Variants in GALNT13 observed in about 807,000 individuals in gnomAD.
GALNT13 encodes the protein UDP-GalNAc:polypeptide N-acetylgalactosaminyltransferase 13.
A neutral mutation model predicts 64.2 loss-of-function variants in GALNT13; 28 were observed. The observed-to-expected ratio is 0.44, with a 90% CI of 0.32 to 0.60. The LOEUF (loss-of-function observed/expected upper bound fraction) is 0.60, where lower values mean the gene tolerates loss of function less well. Among genes scored for constraint, GALNT13 ranks in the 20% least tolerant of loss-of-function variants. The pLI, the probability that GALNT13 is intolerant of heterozygous loss-of-function variation, is 0.05. For missense variants in GALNT13, 577 were observed against 669.8 expected, an observed-to-expected ratio of 0.86 and a Z score of 1.53; for synonymous variants, 214 against 224.6, an observed-to-expected ratio of 0.95 and a Z score of 0.42.
chr2:153,797,955 C>T, the GALNT13 span, among the ~76,000 whole-genome samples: 1 of 152,132 alleles, frequency 6.6e-6, no homozygotes, highest in African/African-American at 2.4e-5. Context: ...TCATCTAGCA[C>T]CTGGCTTTTC....
At chr2:154,408,764 A>T (rs1699663001) in intron 10 of GALNT13, among the ~76,000 whole-genome samples, 1 of 152,136 alleles carries the variant, frequency 6.6e-6, no homozygotes, top group South Asian at 2.1e-4. Flanking sequence ...GCCAATGCCA[A>T]TTCTGTTCAA....
chr2:154,011,741 G>A (rs749955706), intron 3 of GALNT13, among the ~76,000 whole-genome samples: 2 of 152,090 alleles, frequency 1.3e-5, no homozygotes, highest in Non-Finnish European at 2.9e-5. Flanking sequence ...TTATGAATCC[G>A]TATACTCCTG....
chr2:153,139,286 G>T, the GALNT13 span, among the ~76,000 whole-genome samples: 77 of 152,000 alleles, frequency 5.1e-4, no homozygotes, highest in Non-Finnish European at 9.7e-4. Flanking sequence ...ATATCTTCAT[G>T]ATTGGCTTTT....
intron 3 of GALNT13, among the ~76,000 whole-genome samples, chr2:154,082,697 A>C (rs1701332250): frequency 6.6e-6 from 1 of 151,408 alleles, no homozygotes; most frequent in Admixed American, 6.6e-5. Context: ...TTCCATGGCC[A>C]CCTCTGCTTC....
intron 9 of GALNT13, among the ~76,000 whole-genome samples, chr2:154,319,977 T>C (rs935898166): frequency 8.5e-5 from 13 of 152,108 alleles, no homozygotes; most frequent in Admixed American, 5.9e-4. Context: ...GACATATATA[T>C]ACATATCCCT....
chr2:154,118,235 C>T (rs1681715303), intron 3 of GALNT13, among the ~76,000 whole-genome samples: 1 of 147,082 alleles, frequency 6.8e-6, no homozygotes, highest in East Asian at 2.0e-4. Context: ...ACTGATATAA[C>T]TTTTTGATGA....
chr2:153,657,005 C>T, the GALNT13 span, among the ~76,000 whole-genome samples: 1 of 151,960 alleles, frequency 6.6e-6, no homozygotes, highest in Non-Finnish European at 1.5e-5. Context: ...GCTGAGGGAC[C>T]ACATGCTGAT....
At chr2:153,291,135 G>A in the GALNT13 span, among the ~76,000 whole-genome samples, 89 of 152,154 alleles carry the variant, frequency 5.8e-4, no homozygotes, top group Non-Finnish European at 1.1e-3. Context: ...ACTGACTGTG[G>A]CCACTAGTCC....
At chr2:153,900,909 T>C (rs980788471) in intron 1 of GALNT13, 27 bp from the exon 2 acceptor site, 2 of 152,228 alleles carry the variant, frequency 1.3e-5, no homozygotes, top group African/African-American at 4.8e-5. Context: ...AATTGTTTAC[T>C]CTTTTGGATT....
chr2:154,046,961 T>C (rs1174294417), intron 3 of GALNT13, among the ~76,000 whole-genome samples: 1 of 151,884 alleles, frequency 6.6e-6, no homozygotes, highest in African/African-American at 2.4e-5. Context: ...ATGTCTGTCA[T>C]AGAAAACGTA....
chr2:153,562,078 G>C, the GALNT13 span, among the ~76,000 whole-genome samples: 29,000 of 143,460 alleles, frequency 0.2, 3,115 homozygotes, highest in East Asian at 0.34. Context: ...GTGTGTGTGT[G>C]TGTGTGTGTG....
At chr2:153,464,433 T>C in the GALNT13 span, among the ~76,000 whole-genome samples, 1 of 152,092 alleles carries the variant, frequency 6.6e-6, no homozygotes, top group Non-Finnish European at 1.5e-5. Flanking sequence ...TTTATTGTCA[T>C]TGCAAAGCAT....
chr2:153,874,687 C>T (rs1686232539), intron 1 of GALNT13, among the ~76,000 whole-genome samples: 1 of 152,066 alleles, frequency 6.6e-6, no homozygotes, highest in South Asian at 2.1e-4. Flanking sequence ...CAGCTAAATT[C>T]CACCTCCCCG....
At chr2:153,080,364 A>T in the GALNT13 span, among the ~76,000 whole-genome samples, 3 of 152,014 alleles carry the variant, frequency 2.0e-5, 1 homozygote, top group African/African-American at 7.2e-5. Context: ...ATAGGTTCAG[A>T]TGTTGTGTAT....
chr2:154,090,081 T>C (rs145211148), intron 3 of GALNT13, among the ~76,000 whole-genome samples: 60 of 152,202 alleles, frequency 3.9e-4, no homozygotes, highest in African/African-American at 1.3e-3. Context: ...AATATTATCA[T>C]TTGTGTAAAA....
chr2:154,022,873 C>A (rs1697629193), intron 3 of GALNT13, among the ~76,000 whole-genome samples: 1 of 152,156 alleles, frequency 6.6e-6, no homozygotes, highest in African/African-American at 2.4e-5. Context: ...TTGAATGTGT[C>A]CTGGAGATTC....
At chr2:153,309,584 C>T in the GALNT13 span, among the ~76,000 whole-genome samples, 2 of 151,666 alleles carry the variant, frequency 1.3e-5, no homozygotes, top group African/African-American at 2.4e-5. Context: ...AATTTCTTTT[C>T]CTTAGCTTTG....
At chr2:153,873,214 G>A (rs1686109878) in intron 1 of GALNT13, among the ~76,000 whole-genome samples, 1 of 152,148 alleles carries the variant, frequency 6.6e-6, no homozygotes, top group South Asian at 2.1e-4. Flanking sequence ...GGTCAGTGGG[G>A]ACGCGGAGGA....
At chr2:153,771,737 G>C in the GALNT13 span, among the ~76,000 whole-genome samples, 54,601 of 152,028 alleles carry the variant, frequency 0.36, 10,385 homozygotes, top group African/African-American at 0.44. Flanking sequence ...ATAAAGCGGA[G>C]AGGACTCCAG....
Sources: allele counts gnomAD v4.1 joint callset (sites outside exome capture counted in the v4.1 genomes callset), GRCh38; gene constraint gnomAD v4.1.1; transcripts MANE v1.5; gene names NCBI Gene and HGNC (gene_info 2026-07-23, HGNC 2026-07-21).